PTPRT: variants seen among roughly 807,000 people sequenced by gnomAD.
PTPRT encodes receptor-type tyrosine-protein phosphatase T.
PTPRT carries 56 observed loss-of-function variants against 176.8 expected under a neutral mutation model. The ratio of observed to expected loss-of-function variants is 0.32; its 90% CI spans 0.26 to 0.40. The LOEUF is 0.40. Among genes scored for constraint, PTPRT ranks in the 10% least tolerant of loss-of-function variants. The pLI is 1.00. For missense variants in PTPRT, 1,540 were observed against 1,908.2 expected, an observed-to-expected ratio of 0.81 and a Z score of 3.60; for synonymous variants, 783 against 739.0, an observed-to-expected ratio of 1.06 and a Z score of -0.96.
chr20:42,940,892 CAATAAGGTGAAACCCCACCTCTACTAAA>C (rs1479603322), intron 1 of PTPRT, among the ~76,000 whole-genome samples: 1 of 151,800 alleles, frequency 6.6e-6, no homozygotes, highest in African/African-American at 2.4e-5. Context: ...CCAGCCTGAC[CAATAAGGTGAAACCCCACCTCTACTAAA>C]AATACAAAAA....
At chr20:42,335,676 T>C (rs1049520671) in intron 11 of PTPRT, among the ~76,000 whole-genome samples, 1 of 152,176 alleles carries the variant, frequency 6.6e-6, no homozygotes, top group Non-Finnish European at 1.5e-5. Context: ...TGTTTTGTTT[T>C]AGGAAATAGA....
At position 42,624,024 on chromosome 20, in the gene PTPRT, C is replaced by A. The variant is rs5022158; in HGVS notation, c.1153+53842G>T. Among the ~76,000 whole-genome samples the A allele has an allele frequency of 5.6e-3, 557 of 99,360 alleles. 8 individuals are homozygous for A. The highest frequency in any genetic ancestry group is 0.049 in the Middle Eastern group (10 of 204). The allele number at this position is 99,360 out of a possible 152,430, so 65.2% of individuals were successfully genotyped here. On this transcript the variant is annotated intron_variant, in intron 7 of 30. Coordinates refer to ENST00000373187, the MANE Select transcript of PTPRT (RefSeq NM_007050.6). ...CAATAGCAACAAACAAACAAACAAA[C>A]AAAAAAAAAAAACCCTGCTGAACTC...
chr20:42,934,660 C>G (rs1197115992), intron 1 of PTPRT, among the ~76,000 whole-genome samples: 1 of 152,228 alleles, frequency 6.6e-6, no homozygotes, highest in Non-Finnish European at 1.5e-5. Context: ...AGGCATCCTT[C>G]AGTCCCTTGC....
intron 7 of PTPRT, among the ~76,000 whole-genome samples, chr20:42,546,101 A>G (rs1304739246): frequency 6.6e-6 from 1 of 152,212 alleles, no homozygotes; most frequent in Admixed American, 6.5e-5. Flanking sequence ...ATTTTCTTCA[A>G]GAACTTTCCA....
chr20:42,694,040 C>CTTTTTTTTTT (rs56156122), intron 6 of PTPRT, among the ~76,000 whole-genome samples: 6 of 138,446 alleles, frequency 4.3e-5, no homozygotes, highest in East Asian at 2.0e-4. Context: ...ATTTTATTTT[C>CTTTTTTTTTT]TTTTTTTTTT....
At chr20:42,149,501 G>A (rs778680796) in intron 17 of PTPRT, among the ~76,000 whole-genome samples, 1 of 150,506 alleles carries the variant, frequency 6.6e-6, no homozygotes, top group Non-Finnish European at 1.5e-5. Context: ...TCAGCTCACC[G>A]CAACGTCTGC....
intron 6 of PTPRT, among the ~76,000 whole-genome samples, chr20:42,728,525 T>C (rs2146256134): frequency 6.6e-6 from 1 of 152,304 alleles, no homozygotes; most frequent in Middle Eastern, 3.4e-3. Flanking sequence ...GCAACAGCAC[T>C]AAGAGCATCC....
At chr20:42,537,802 C>T (rs2072502737) in intron 7 of PTPRT, among the ~76,000 whole-genome samples, 1 of 152,272 alleles carries the variant, frequency 6.6e-6, no homozygotes, top group East Asian at 1.9e-4. Context: ...GTGTGCAGTG[C>T]TTAGATTTCA....
intron 7 of PTPRT, among the ~76,000 whole-genome samples, chr20:42,507,687 T>C (rs1194140731): frequency 6.6e-6 from 1 of 152,062 alleles, no homozygotes. Context: ...TGTTCCTTTC[T>C]CTCTAGACCT....
intron 7 of PTPRT, among the ~76,000 whole-genome samples, chr20:42,551,257 C>A (rs187714461): frequency 5.6e-4 from 85 of 152,224 alleles, no homozygotes; most frequent in African/African-American, 1.8e-3. Flanking sequence ...GTTACTCTAT[C>A]ATCATACCCT....
At chr20:42,190,867 G>C (rs144259554) in intron 16 of PTPRT, among the ~76,000 whole-genome samples, 2 of 152,162 alleles carry the variant, frequency 1.3e-5, no homozygotes, top group African/African-American at 4.8e-5. Flanking sequence ...GGGGTGTCAG[G>C]CTGACCTAGG....
At chr20:42,198,956 T>A (rs912951135) in intron 16 of PTPRT, among the ~76,000 whole-genome samples, 18 of 152,228 alleles carry the variant, frequency 1.2e-4, no homozygotes, top group Non-Finnish European at 2.5e-4. Flanking sequence ...CTTTCTTTTT[T>A]ACTGCTATTA....
In PTPRT at chr20:42,169,791, C is replaced by CAA. The variant is rs1555795465; in HGVS notation, c.2492-8251_2492-8250dup. Among the ~76,000 whole-genome samples, 16 of 98,414 alleles carry CAA rather than the reference C, an allele frequency of 1.6e-4. 1 individual carries two copies. The highest frequency in any genetic ancestry group is 6.4e-4 in the Admixed American group (6 of 9,440). The allele number at this position is 98,414 out of a possible 152,430, so 64.6% of individuals were successfully genotyped here. A position where few individuals can be genotyped will look rare whatever the true frequency, so the allele number is the denominator to read the frequency against. On this transcript the variant is annotated intron_variant, in intron 16 of 30. Transcript: ENST00000373187. The stretch of plus-strand genomic sequence containing the variant: ...ACACACACACACACACACACACACA[C>CAA]AACAGTCAGTATTGACTGTTGACCC...
chr20:42,542,885 A>G, intron 7 of PTPRT, among the ~76,000 whole-genome samples: 1 of 152,256 alleles, frequency 6.6e-6, no homozygotes, highest in Non-Finnish European at 1.5e-5. Flanking sequence ...CAAGAGGTCT[A>G]TAAAAGTTAT....
chr20:43,125,140 C>T lies in PTPRT; in HGVS notation c.88+64506G>A, dbSNP rs548576912. Among the ~76,000 whole-genome samples, 6 of 150,008 alleles carry T rather than the reference C, an allele frequency of 4.0e-5. No homozygotes were observed. In the South Asian group the frequency reaches 1.1e-3, roughly 27 times the overall value. On this transcript the variant is annotated intron_variant, in intron 1 of 30. Transcript: ENST00000373187. ...CCTCCCAAGTAGCTGGGATTACAGG[C>T]ATGTGCCGCCACACCTAGCTGATTT...
At chr20:42,558,973 T>TC (rs2072905906) in intron 7 of PTPRT, among the ~76,000 whole-genome samples, 1 of 152,120 alleles carries the variant, frequency 6.6e-6, no homozygotes, top group Non-Finnish European at 1.5e-5. Flanking sequence ...GACTGGATGG[T>TC]CCCCATCAAG....
intron 5 of PTPRT, among the ~76,000 whole-genome samples, chr20:42,762,188 T>A (rs2076924727): frequency 6.6e-6 from 1 of 152,218 alleles, no homozygotes; most frequent in Non-Finnish European, 1.5e-5. Flanking sequence ...ATTATTAAGT[T>A]ATGGCATACC....
intron 8 of PTPRT, among the ~76,000 whole-genome samples, chr20:42,465,739 C>T (rs1601077018): frequency 6.6e-6 from 1 of 152,026 alleles, no homozygotes; most frequent in Admixed American, 6.6e-5. Context: ...TTGGAATATA[C>T]GTTTTAATGT....
At chr20:42,666,370 CAA>C (rs150673316) in intron 7 of PTPRT, among the ~76,000 whole-genome samples, 1 of 151,174 alleles carries the variant, frequency 6.6e-6, no homozygotes, top group African/African-American at 2.4e-5. Flanking sequence ...ATTCATGCAT[CAA>C]AAAAAAATTT....
Sources: gnomAD v4.1 joint callset for allele counts (sites outside exome capture counted in the v4.1 genomes callset) on GRCh38, gnomAD v4.1.1 for gene constraint, MANE v1.5 for transcripts, NCBI Gene and HGNC (gene_info 2026-07-23, HGNC 2026-07-21) for gene names.